Variants in AGBL1 observed in about 807,000 individuals in gnomAD.
The protein encoded by AGBL1 is AGBL carboxypeptidase 1, also known as cytosolic carboxypeptidase 4.
AGBL1 carries 130 observed loss-of-function variants against 118.9 expected under a neutral mutation model. That is an observed-to-expected ratio of 1.09 (90% CI 0.95 to 1.26). The LOEUF is 1.26. Ranked by LOEUF, AGBL1 falls within the 50% of genes most tolerant of loss-of-function variation. The pLI, the probability that AGBL1 is intolerant of heterozygous loss-of-function variation, is 0.00. For synonymous variants in AGBL1, 555 were observed against 478.9 expected (o/e 1.16, Z -2.08); for missense variants, 1,584 against 1,298.1 (o/e 1.22, Z -3.38).
rs141485185 is a variant in AGBL1 at position 86,657,632 on chromosome 15, A to C, written c.2995-16641A>C. On this transcript the variant is annotated intron_variant, in intron 21 of 22. Coordinates refer to ENST00000614907, the MANE Select transcript of AGBL1 (RefSeq NM_001386094.1). Reference sequence around the variant, plus strand: ...ATGGAGGTCACATTTTCAAACCCCTAGTTAATGGTTTTCCCTAGAAATGCT... The same window carrying C: ...ATGGAGGTCACATTTTCAAACCCCTCGTTAATGGTTTTCCCTAGAAATGCT... Among the ~76,000 whole-genome samples, 424 of 152,332 alleles carry C rather than the reference A, an allele frequency of 2.8e-3. 3 individuals carry two copies. The highest frequency in any genetic ancestry group is 4.0e-3 in the Non-Finnish European group (271 of 68,038).
chr15:86,562,406 G>A (rs1362003764), intron 21 of AGBL1, among the ~76,000 whole-genome samples: 1 of 152,090 alleles, frequency 6.6e-6, no homozygotes, highest in African/African-American at 2.4e-5. Flanking sequence ...ATAATCCTGT[G>A]GTTTTTGTCT....
chr15:86,550,473 G>A (rs1023644358), intron 20 of AGBL1, among the ~76,000 whole-genome samples: 1 of 151,972 alleles, frequency 6.6e-6, no homozygotes, highest in African/African-American at 2.4e-5. Flanking sequence ...TAATAAAGAT[G>A]GTTATATTGA....
intron 20 of AGBL1, among the ~76,000 whole-genome samples, chr15:86,548,020 T>TA (rs1415251671): frequency 2.0e-5 from 3 of 152,280 alleles, no homozygotes; most frequent in African/African-American, 7.2e-5. Flanking sequence ...CTGTAAATAA[T>TA]TATCTTAACA....
intron 22 of AGBL1, among the ~76,000 whole-genome samples, chr15:86,801,259 C>G (rs2078644865): frequency 6.6e-6 from 1 of 151,926 alleles, no homozygotes; most frequent in African/African-American, 2.4e-5. Flanking sequence ...TGGGGAGAAG[C>G]AGAAAAGAGA....
At chr15:86,799,345 A>C (rs549675621) in intron 22 of AGBL1, among the ~76,000 whole-genome samples, 14 of 152,204 alleles carry the variant, frequency 9.2e-5, no homozygotes, top group Admixed American at 3.9e-4. Context: ...CATTAAATAA[A>C]TCTATCCTTG....
chr15:86,615,049 C>T lies in AGBL1; in HGVS notation c.2995-59224C>T, dbSNP rs1381891675. Among the ~76,000 whole-genome samples the T allele has an allele frequency of 6.6e-6, 1 of 152,032 alleles. No homozygotes were observed. The highest frequency in any genetic ancestry group is 1.5e-5 in the Non-Finnish European group (1 of 68,014). The stretch of plus-strand genomic sequence containing the variant: ...CAATTTGGATAAAGTAATTAGGATA[C>T]CAAAAGGATGGGCCTTTAGAAAAGG... On this transcript the variant is annotated intron_variant, in intron 21 of 22. Transcript: ENST00000614907. This position sits in a 1 kb window ranked among gnomAD's most constrained non-coding sequence, Gnocchi z 4.3.
intron 17 of AGBL1, among the ~76,000 whole-genome samples, chr15:86,350,473 T>C (rs2080608084): frequency 6.6e-6 from 1 of 152,236 alleles, no homozygotes. Flanking sequence ...GAGCATGTGC[T>C]GGTCGGGTGT....
At chr15:86,956,217 TTAGATAGATAGATAGA>T (rs57241299) in intron 23 of AGBL1, among the ~76,000 whole-genome samples, 31 of 147,704 alleles carry the variant, frequency 2.1e-4, no homozygotes, top group Middle Eastern at 3.6e-3. Context: ...AGATGATTGA[TTAGATAGATAGATAGA>T]TAGATAGATA....
intron 21 of AGBL1, among the ~76,000 whole-genome samples, chr15:86,668,119 C>T (rs548819416): frequency 6.6e-6 from 1 of 152,268 alleles, no homozygotes; most frequent in Admixed American, 6.5e-5. Context: ...GGGGAGGGCA[C>T]CAAGCCATCC....
intron 17 of AGBL1, among the ~76,000 whole-genome samples, chr15:86,355,954 A>AC (rs1413417415): frequency 3.3e-5 from 5 of 152,196 alleles, no homozygotes; most frequent in African/African-American, 1.2e-4. Context: ...CATGGGAGCC[A>AC]CCACTCTGCT....
intron 17 of AGBL1, among the ~76,000 whole-genome samples, chr15:86,374,452 T>C (rs543610940): frequency 5.3e-5 from 8 of 152,336 alleles, no homozygotes; most frequent in African/African-American, 1.4e-4. Flanking sequence ...AGCACCTTCT[T>C]TGGGGCATGT....
intron 18 of AGBL1, among the ~76,000 whole-genome samples, chr15:86,419,684 C>T (rs570094520): frequency 6.6e-6 from 1 of 152,314 alleles, no homozygotes; most frequent in East Asian, 1.9e-4. Context: ...ATCCCACTCC[C>T]ATGGAGCCTA....
chr15:86,681,415 T>C (rs768292743), intron 22 of AGBL1, among the ~76,000 whole-genome samples: 3 of 152,150 alleles, frequency 2.0e-5, no homozygotes, highest in Non-Finnish European at 4.4e-5. Context: ...ATAGATTCCT[T>C]TTTGAAAAAC....
At chr15:86,153,296 T>C (rs1051780756) in intron 3 of AGBL1, among the ~76,000 whole-genome samples, 1 of 152,062 alleles carries the variant, frequency 6.6e-6, no homozygotes. Context: ...ATTAAGAAAA[T>C]GTGGCACATA....
chr15:86,821,912 T>A (rs1253321281), intron 22 of AGBL1, among the ~76,000 whole-genome samples: 1 of 152,160 alleles, frequency 6.6e-6, no homozygotes, highest in Non-Finnish European at 1.5e-5. Context: ...ATTTAACCAA[T>A]ATCGCATGGG....
chr15:86,647,983 C>T (rs1401207182), intron 21 of AGBL1, among the ~76,000 whole-genome samples: 1 of 152,030 alleles, frequency 6.6e-6, no homozygotes, highest in Non-Finnish European at 1.5e-5. Context: ...TAAGGAACAG[C>T]AATGTGGCCA....
chr15:86,453,610 G>A (rs2082224276), intron 18 of AGBL1, among the ~76,000 whole-genome samples: 1 of 152,150 alleles, frequency 6.6e-6, no homozygotes, highest in Non-Finnish European at 1.5e-5. Flanking sequence ...AAGCCATCAG[G>A]TTTTAGAGTT....
intron 18 of AGBL1, among the ~76,000 whole-genome samples, chr15:86,488,792 C>T (rs1008232917): frequency 1.3e-5 from 2 of 152,084 alleles, no homozygotes; most frequent in African/African-American, 4.8e-5. Context: ...CTTCCTTGAA[C>T]TTCTCTCACA....
intron 22 of AGBL1, among the ~76,000 whole-genome samples, chr15:86,816,141 G>T (rs1436018009): frequency 6.6e-6 from 1 of 152,132 alleles, no homozygotes; most frequent in African/African-American, 2.4e-5. Context: ...ATTAAAGAGA[G>T]GACACATTAT....
Sources: gnomAD v4.1 joint callset for allele counts (sites outside exome capture counted in the v4.1 genomes callset) on GRCh38, gnomAD v4.1.1 for gene constraint, Gnocchi (gnomAD v3.1) non-coding constraint, MANE v1.5 for transcripts, NCBI Gene and HGNC (gene_info 2026-07-23, HGNC 2026-07-21) for gene names.